Variants in NEBL observed in about 807,000 individuals in gnomAD.
NEBL encodes nebulette, also known as LIM and SH3 protein 2.
Under a neutral mutation model 140.2 loss-of-function variants are expected in NEBL, and 122 were observed. That is an observed-to-expected ratio of 0.87 (90% CI 0.75 to 1.01). NEBL has a LOEUF of 1.01. NEBL is among the 50% of genes least tolerant of loss of function. The pLI, the probability that NEBL is intolerant of heterozygous loss-of-function variation, is 0.00. For missense variants in NEBL, 1,365 were observed against 1,231.3 expected (o/e 1.11, Z -1.62); for synonymous variants, 436 against 398.9 (o/e 1.09, Z -1.11).
rs1245483343 is a variant in NEBL, at chr10:20,783,700, C to G, written c.*2047G>C. The G allele has an allele frequency of 6.6e-6, 1 of 152,536 alleles. No individual in the cohort carries two copies. The highest frequency in any genetic ancestry group is 1.5e-5 in the Non-Finnish European group (1 of 68,038). 9.4% of individuals were successfully genotyped at this position (152,536 alleles called of 1,614,324 possible). On this transcript the variant is annotated 3_prime_UTR_variant, in exon 28 of 28. Coordinates refer to ENST00000377122, the MANE Select transcript of NEBL (RefSeq NM_006393.3). ...TGCCTGGGTGAAATGTAAATATATA[C>G]TTAGTAAAATAAAATTGAGCAGGTA... is the stretch of plus-strand genomic sequence containing the variant.
chr10:20,947,121 T>G (rs933335011), intron 4 of NEBL, among the ~76,000 whole-genome samples: 2 of 152,192 alleles, frequency 1.3e-5, no homozygotes, highest in Non-Finnish European at 2.9e-5. Context: ...GAATACACCT[T>G]GAAAGTCTGT....
chr10:21,124,326 G>T (rs549047005), intron 2 of NEBL, among the ~76,000 whole-genome samples: 2 of 152,206 alleles, frequency 1.3e-5, no homozygotes, highest in Non-Finnish European at 2.9e-5. Flanking sequence ...AATAAATTAT[G>T]AGTTATTAAT....
chr10:21,047,021 T>G (rs1456058253), intron 2 of NEBL, among the ~76,000 whole-genome samples: 1 of 152,218 alleles, frequency 6.6e-6, no homozygotes, highest in African/African-American at 2.4e-5. Flanking sequence ...TCTCTTATAG[T>G]GTTATATTTT....
Position 20,785,918 on chromosome 10 carries a change from G to A in NEBL, c.2874C>T (p.Thr958=), listed in dbSNP as rs373069314. The A allele has an allele frequency of 2.5e-6, 4 of 1,613,718 alleles. No homozygotes were observed. The highest frequency in any genetic ancestry group is 3.4e-6 in the Non-Finnish European group (4 of 1,179,832). The change falls in exon 28 of 28, where the codon ACC becomes ACT. Residue 958 remains threonine (T), a synonymous_variant. Transcript: ENST00000377122. ...RSMQHSPNLR[T]YRAMYDYSAQ... ...CACTGTAATCGTACATGGCTCGGTA[G>A]GTCCTCTGAGAAAGGAAGAAGGGAT...
chr10:21,068,958 G>A (rs1835692632), intron 2 of NEBL, among the ~76,000 whole-genome samples: 2 of 152,064 alleles, frequency 1.3e-5, no homozygotes, highest in African/African-American at 2.4e-5. Flanking sequence ...GCAAGATCAC[G>A]GCTCACTGCA....
At chr10:20,792,245 C>G (rs1836071462) in intron 26 of NEBL, among the ~76,000 whole-genome samples, 1 of 151,766 alleles carries the variant, frequency 6.6e-6, no homozygotes, top group African/African-American at 2.4e-5. Flanking sequence ...TTGAAAAAAT[C>G]CAGAAAAAGG....
chr10:20,823,343 A>G, intron 18 of NEBL, 43 bp from the exon 19 acceptor site: 1 of 1,383,338 alleles, frequency 7.2e-7, no homozygotes, highest in East Asian at 2.3e-5. Context: ...TATTCTATGC[A>G]AGGCTTTAAA....
rs145208891 is a variant in NEBL, at chr10:21,144,364, C to T, written c.164+28019G>A. On this transcript the variant is annotated intron_variant, in intron 2 of 6. Transcript: ENST00000417816. ...TGGTACTGCATTCAACCATCCAAAT[C>T]GCCCTACAAGGTAACGCACCCTCCT... Among the ~76,000 whole-genome samples, 351 of 152,336 alleles carry T rather than the reference C, an allele frequency of 2.3e-3. 2 individuals carry two copies. The highest frequency in any genetic ancestry group is 7.6e-3 in the African/African-American group (315 of 41,576).
chr10:20,863,267 C>T (rs1368919732), intron 7 of NEBL, among the ~76,000 whole-genome samples: 1 of 152,154 alleles, frequency 6.6e-6, no homozygotes, highest in East Asian at 1.9e-4. Flanking sequence ...AAACTTTACA[C>T]TGACATCATC....
chr10:20,940,813 C>G (rs192574842), intron 4 of NEBL, among the ~76,000 whole-genome samples: 3 of 152,048 alleles, frequency 2.0e-5, no homozygotes, highest in African/African-American at 4.8e-5. Context: ...AACACCTCTA[C>G]GCAAATAAAC....
Position 20,845,770 on chromosome 10 carries a change from C to A in NEBL, c.1117-402G>T, listed in dbSNP as rs369320902. Among the ~76,000 whole-genome samples the A allele has an allele frequency of 4.6e-5, 7 of 152,132 alleles. No homozygotes were observed. The East Asian group carries it at 9.6e-4, about 21-fold the overall frequency. Reference sequence around the variant, plus strand: ...GGAAGCCATTCAAACCACCTTCAAACCCAAGCAGCATTAATGTTCATGTCC... The same window carrying A: ...GGAAGCCATTCAAACCACCTTCAAAACCAAGCAGCATTAATGTTCATGTCC... On this transcript the variant is annotated intron_variant, in intron 11 of 27. Coordinates refer to ENST00000377122, the MANE Select transcript of NEBL (RefSeq NM_006393.3).
intron 2 of NEBL, among the ~76,000 whole-genome samples, chr10:21,159,146 C>G (rs528188083): frequency 1.6e-4 from 24 of 152,280 alleles, no homozygotes; most frequent in African/African-American, 5.8e-4. Context: ...CCCTTTCTCT[C>G]TCTGAAATAA....
At chr10:21,151,567 A>T (rs1488303770) in intron 2 of NEBL, among the ~76,000 whole-genome samples, 1 of 152,166 alleles carries the variant, frequency 6.6e-6, no homozygotes. Context: ...TCAACACCCC[A>T]GCAACTGCCC....
chr10:21,129,005 C>T (rs1838974291), intron 2 of NEBL, among the ~76,000 whole-genome samples: 1 of 152,148 alleles, frequency 6.6e-6, no homozygotes, highest in South Asian at 2.1e-4. Flanking sequence ...TGTGTGGTTC[C>T]ACATGTAAGC....
chr10:21,262,029 T>C (rs1342253105), intron 1 of NEBL, among the ~76,000 whole-genome samples: 2 of 152,134 alleles, frequency 1.3e-5, no homozygotes, highest in Non-Finnish European at 2.9e-5. Flanking sequence ...CCCCTCTCTT[T>C]TGTAAGGCTG....
rs1190657435 is a variant in NEBL, at chr10:20,826,476, C to G, written c.1840G>C (p.Val614Leu). 1 of 1,612,750 alleles carries G rather than the reference C, an allele frequency of 6.2e-7. No individual in the cohort carries two copies. The highest frequency in any genetic ancestry group is 8.5e-7 in the Non-Finnish European group (1 of 1,179,158). The stretch of plus-strand genomic sequence containing the variant: ...CTAATATTCTGCTGATTTTTCTTCA[C>G]TCGTTCGATCTCTGGGCTATCTTTC... Reference protein sequence around the residue: ...AVKDSPEIERVKKNQQNISSV... With the variant: ...AVKDSPEIERLKKNQQNISSV... Residue 614 changes from valine (V) to leucine (L), a missense_variant, in exon 18 of 28, where the codon GTG becomes CTG. Physicochemically the swap from Val to Leu is conservative, Grantham distance 32. Coordinates refer to ENST00000377122, the MANE Select transcript of NEBL (RefSeq NM_006393.3).
chr10:21,269,316 T>C (rs1842833910), intron 1 of NEBL, among the ~76,000 whole-genome samples: 1 of 152,072 alleles, frequency 6.6e-6, no homozygotes, highest in Non-Finnish European at 1.5e-5. Flanking sequence ...TCCCCCTAAA[T>C]GAGAGTGCAA....
intron 2 of NEBL, among the ~76,000 whole-genome samples, chr10:21,084,748 C>A (rs193047300): frequency 2.6e-5 from 4 of 152,236 alleles, no homozygotes; most frequent in East Asian, 3.9e-4. Context: ...AATGAAATAA[C>A]CTTGCCTTCT....
At chr10:20,946,250 T>G (rs929796066) in intron 4 of NEBL, among the ~76,000 whole-genome samples, 3 of 152,188 alleles carry the variant, frequency 2.0e-5, no homozygotes, top group Non-Finnish European at 2.9e-5. Flanking sequence ...TTTCTGCACA[T>G]GGAAATTGGA....
Sources: allele counts gnomAD v4.1 joint callset (sites outside exome capture counted in the v4.1 genomes callset), GRCh38; gene constraint gnomAD v4.1.1; transcripts MANE v1.5; gene names NCBI Gene and HGNC (gene_info 2026-07-23, HGNC 2026-07-21).